TRIM9: variants seen among roughly 807,000 people sequenced by gnomAD.
TRIM9 encodes tripartite motif containing 9.
In TRIM9, 26 loss-of-function variants were observed where a neutral mutation model predicts 78.3. The observed-to-expected ratio is 0.33, with a 90% confidence interval of 0.24 to 0.46. TRIM9 has a LOEUF of 0.46. Ranked by LOEUF, TRIM9 falls within the 20% of genes least tolerant of loss-of-function variation. The probability of loss-of-function intolerance (pLI) is 1.00; values close to 1 mark genes in which losing one functional copy is unlikely to be tolerated. For missense variants in TRIM9, 787 were observed against 1,036.4 expected (o/e 0.76, Z 3.30); for synonymous variants, 398 against 416.5 (o/e 0.96, Z 0.54).
At chr14:51,043,093 T>C (rs2059691106) in intron 1 of TRIM9, among the ~76,000 whole-genome samples, 1 of 152,232 alleles carries the variant, frequency 6.6e-6, no homozygotes, top group African/African-American at 2.4e-5. Context: ...AATGTTGTTA[T>C]TGGACTGCTT....
In TRIM9 at chr14:50,975,716, T is replaced by G. The variant is rs1410447117; in HGVS notation, c.*1575A>C. ...CCTATCTCTTCCCTTCTATTTGTTA[T>G]TCTTGTTTTTTCATGGTGAATTTCT... On this transcript the variant is annotated 3_prime_UTR_variant, in exon 13 of 13. Coordinates refer to ENST00000684578, the MANE Select transcript of TRIM9 (RefSeq NM_001387360.1). The G allele has an allele frequency of 6.5e-6, 1 of 152,678 alleles. No individual in the cohort carries two copies. Among genetic ancestry groups the G allele is most frequent in the Non-Finnish European group, 1.5e-5 (1 of 68,046 alleles). 9.5% of individuals were successfully genotyped at this position (152,678 alleles called of 1,614,324 possible). A position where few individuals can be genotyped will look rare whatever the true frequency, so the allele number is the denominator to read the frequency against.
intron 1 of TRIM9, among the ~76,000 whole-genome samples, chr14:51,059,126 A>G (rs942098154): frequency 2.0e-5 from 3 of 152,174 alleles, no homozygotes; most frequent in Non-Finnish European, 4.4e-5. Context: ...CACCTCCACA[A>G]TGGTCCTGGG....
chr14:51,035,973 G>T (rs953025160), intron 1 of TRIM9, among the ~76,000 whole-genome samples: 1 of 152,188 alleles, frequency 6.6e-6, no homozygotes, highest in Non-Finnish European at 1.5e-5. Flanking sequence ...CTTTGCCACT[G>T]TATTAGTTTC....
chr14:51,057,252 T>C (rs1333667670), intron 1 of TRIM9, among the ~76,000 whole-genome samples: 2 of 152,256 alleles, frequency 1.3e-5, no homozygotes, highest in East Asian at 3.8e-4. Context: ...AGCTAATGAA[T>C]TGTTCTATTA....
intron 1 of TRIM9, among the ~76,000 whole-genome samples, chr14:51,035,676 A>T (rs1277629137): frequency 6.6e-6 from 1 of 152,216 alleles, no homozygotes; most frequent in African/African-American, 2.4e-5. Context: ...AGAGATATGT[A>T]GAGAAAACAG....
In TRIM9 at chr14:50,975,673, A is replaced by G. The variant is rs2051042868; in HGVS notation, c.*1618T>C. 1 of 152,666 alleles carries G rather than the reference A, an allele frequency of 6.6e-6. No individual in the cohort carries two copies. Among genetic ancestry groups the G allele is most frequent in the African/African-American group, 2.4e-5 (1 of 41,468 alleles). The allele number at this position is 152,666 out of a possible 1,614,324, so 9.5% of individuals were successfully genotyped here. On this transcript the variant is annotated 3_prime_UTR_variant, in exon 13 of 13. Transcript: ENST00000684578. ...TATATTCCTTTTTGCCAAAACTTTA[A>G]TTTGTTAGCTTTCCCATCCTATCTC...
intron 7 of TRIM9, among the ~76,000 whole-genome samples, chr14:50,993,824 T>C (rs766442889): frequency 2.0e-5 from 3 of 152,306 alleles, no homozygotes; most frequent in East Asian, 3.9e-4. Flanking sequence ...GTGCTGAGCA[T>C]TGGCGGCTTA....
chr14:51,032,224 T>C (rs1335476705), intron 1 of TRIM9, among the ~76,000 whole-genome samples: 1 of 152,222 alleles, frequency 6.6e-6, no homozygotes, highest in Non-Finnish European at 1.5e-5. Flanking sequence ...CAACATGGCA[T>C]TGGAGTTAAC....
At chr14:51,054,892 C>T (rs577207829) in intron 1 of TRIM9, among the ~76,000 whole-genome samples, 1 of 145,976 alleles carries the variant, frequency 6.9e-6, no homozygotes, top group South Asian at 2.2e-4. Context: ...TGCAATGGTG[C>T]TATCTTGGCT....
intron 1 of TRIM9, among the ~76,000 whole-genome samples, chr14:51,093,670 C>A (rs147815688): frequency 6.6e-6 from 1 of 152,226 alleles, no homozygotes; most frequent in East Asian, 1.9e-4. Context: ...CGACAGACTC[C>A]CGCCGTCCGC....
rs966445839 is a variant in TRIM9, at chr14:51,094,284, C to T, written c.656G>A (p.Arg219Gln). Residue 219 changes from arginine (R) to glutamine (Q), a missense_variant, in exon 1 of 13, where the codon CGG (arginine) becomes CAG (glutamine). Arg to Gln is a conservative substitution (Grantham distance 43, BLOSUM62 1). Coordinates refer to ENST00000684578, the MANE Select transcript of TRIM9 (RefSeq NM_001387360.1). ...LVPPAQGRVS[R>Q]RLSPRKVSTC... Reference sequence around the variant, plus strand: ...GGAGACCTTGCGTGGGCTCAGCCTCCGGCTCACACGACCCTGGGCCGGGGG... The same window carrying T: ...GGAGACCTTGCGTGGGCTCAGCCTCTGGCTCACACGACCCTGGGCCGGGGG... The T allele has an allele frequency of 7.4e-6, 12 of 1,613,900 alleles. No homozygotes were observed. Among genetic ancestry groups the T allele is most frequent in the Non-Finnish European group, 1.0e-5 (12 of 1,179,990 alleles).
rs1423177541 is a variant in TRIM9 at position 51,094,221 on chromosome 14, T to C, written c.719A>G (p.Tyr240Cys). Residue 240 changes from tyrosine (Y) to cysteine (C), a missense_variant, in exon 1 of 13, where the codon TAC (tyrosine) becomes TGC (cysteine). Around this residue, in one of 3 missense-constraint regions of TRIM9, gnomAD observed 352 missense variants for 472.3 expected, o/e 0.75. Transcript: ENST00000684578. ...CACGGGCATCTTGCATTGCACGCAG[T>C]ACATGCTGTGGTTCTCCAGCTCGTG... ...TDHELENHSM[Y>C]CVQCKMPVCY... The C allele has an allele frequency of 7.4e-6, 12 of 1,614,230 alleles. No homozygotes were observed. The highest frequency in any genetic ancestry group is 1.0e-5 in the Non-Finnish European group (12 of 1,180,030).
At chr14:51,081,694 G>A (rs1362959555) in intron 1 of TRIM9, among the ~76,000 whole-genome samples, 16 of 152,128 alleles carry the variant, frequency 1.1e-4, no homozygotes, top group Non-Finnish European at 1.5e-4. Flanking sequence ...TGCAACCTTG[G>A]ATCATCCCCT....
At chr14:51,014,665 C>G (rs2056957257) in intron 3 of TRIM9, among the ~76,000 whole-genome samples, 1 of 152,194 alleles carries the variant, frequency 6.6e-6, no homozygotes, top group African/African-American at 2.4e-5. Context: ...CTCTAGTTGT[C>G]TTTATCAACT....
chr14:51,041,857 A>C (rs553379433), intron 1 of TRIM9, among the ~76,000 whole-genome samples: 69 of 152,370 alleles, frequency 4.5e-4, no homozygotes, highest in African/African-American at 1.6e-3. Flanking sequence ...CATTTATATA[A>C]AGAATAATGC....
chr14:51,083,180 T>C (rs1435117732), intron 1 of TRIM9, among the ~76,000 whole-genome samples: 1 of 152,242 alleles, frequency 6.6e-6, no homozygotes, highest in African/African-American at 2.4e-5. Flanking sequence ...TGAATCTTTG[T>C]CTAGTTTTCT....
intron 2 of TRIM9, 150 bp from the exon 3 acceptor site, chr14:51,023,107 CTT>C: frequency 9.7e-7 from 1 of 1,027,478 alleles, no homozygotes; most frequent in South Asian, 1.6e-5. Flanking sequence ...ACTGGATAAA[CTT>C]TATTCTACAG....
intron 5 of TRIM9, among the ~76,000 whole-genome samples, chr14:51,001,251 A>T (rs571738137): frequency 1.5e-4 from 20 of 135,202 alleles, no homozygotes; most frequent in African/African-American, 5.6e-4. Flanking sequence ...TTTTTTTGAG[A>T]TGGAGTGTCG....
chr14:50,986,708 G>A (rs1328504530), intron 7 of TRIM9, among the ~76,000 whole-genome samples: 1 of 152,198 alleles, frequency 6.6e-6, no homozygotes, highest in Non-Finnish European at 1.5e-5. Context: ...GAGAGGAAAT[G>A]TGGGGTGGTC....
Sources: gnomAD v4.1 joint callset for allele counts (sites outside exome capture counted in the v4.1 genomes callset) on GRCh38, gnomAD v4.1.1 for gene constraint, gnomAD v4.1.1 regional missense constraint, MANE v1.5 for transcripts, NCBI Gene and HGNC (gene_info 2026-07-23, HGNC 2026-07-21) for gene names.